The following POC1B variants were observed in gnomAD, a reference collection of about 807,000 sequenced individuals.
The protein encoded by POC1B is POC1 centriolar protein homolog B.
Under a neutral mutation model 60.6 loss-of-function variants are expected in POC1B, and 44 were observed. That is an observed-to-expected ratio of 0.73 (90% confidence interval 0.57 to 0.93). The LOEUF (loss-of-function observed/expected upper bound fraction) is 0.93. Ranked by LOEUF, POC1B falls within the 40% of genes least tolerant of loss-of-function variation. The pLI is 0.00. For missense variants in POC1B, 555 were observed against 572.3 expected (o/e 0.97, Z 0.31); for synonymous variants, 180 against 198.9 (o/e 0.90, Z 0.80).
At position 89,525,950 on chromosome 12, in the gene POC1B, G is replaced by GGGAGA; in HGVS notation, c.-60_-56dup. 1 of 1,540,482 alleles carries GGGAGA rather than the reference G, an allele frequency of 6.5e-7. No individual in the cohort carries two copies. Among genetic ancestry groups the GGGAGA allele is most frequent in the East Asian group, 2.5e-5 (1 of 40,446 alleles). ...GGGTGGGGGAACCCGGAGAGGGGAG[G>GGGAGA]GGAGAGGATGGGGAAGGAGAGGGGA... On this transcript the variant is annotated 5_prime_UTR_variant, in exon 1 of 12. Transcript: ENST00000313546.
At chr12:89,460,156 C>T (rs1394612265) in intron 9 of POC1B, 1 of 214,322 alleles carries the variant, frequency 4.7e-6, no homozygotes, top group Non-Finnish European at 9.6e-6. Context: ...TTAGAATAGT[C>T]AGAGTTTAAG....
chr12:89,434,855 C>T (rs1022361235), intron 10 of POC1B, among the ~76,000 whole-genome samples: 1 of 151,876 alleles, frequency 6.6e-6, no homozygotes, highest in Non-Finnish European at 1.5e-5. Flanking sequence ...TTCAACAAAC[C>T]CCAAAGAAAA....
chr12:89,500,390 G>T, intron 2 of POC1B: 1 of 1,505,968 alleles, frequency 6.6e-7, no homozygotes, highest in Non-Finnish European at 9.2e-7. Flanking sequence ...TCTGCAGTTT[G>T]TTGTAGAACC....
intron 2 of POC1B, among the ~76,000 whole-genome samples, chr12:89,518,686 A>C (rs1870601199): frequency 6.6e-6 from 1 of 152,114 alleles, no homozygotes; most frequent in African/African-American, 2.4e-5. Context: ...TCCCTTTCCC[A>C]GACCCTGGCA....
At chr12:89,443,214 G>C (rs1024948354) in intron 10 of POC1B, among the ~76,000 whole-genome samples, 8 of 152,120 alleles carry the variant, frequency 5.3e-5, no homozygotes, top group Non-Finnish European at 1.2e-4. Context: ...AGTTAACAAG[G>C]ATATCCAGGA....
chr12:89,435,968 C>T (rs1420049098), intron 10 of POC1B, among the ~76,000 whole-genome samples: 1 of 147,956 alleles, frequency 6.8e-6, no homozygotes. Flanking sequence ...TTTTTTGAGA[C>T]AGAATCTCAC....
chr12:89,503,227 G>A (rs1869683129), intron 2 of POC1B, among the ~76,000 whole-genome samples: 1 of 150,400 alleles, frequency 6.6e-6, no homozygotes, highest in East Asian at 2.0e-4. Flanking sequence ...TGATTCTCCT[G>A]CCTCAGCCTG....
intron 3 of POC1B, among the ~76,000 whole-genome samples, chr12:89,493,341 T>G (rs1037897875): frequency 6.6e-6 from 1 of 152,178 alleles, no homozygotes; most frequent in Non-Finnish European, 1.5e-5. Flanking sequence ...TCTATAAGAC[T>G]AGCATCTAGC....
intron 10 of POC1B, among the ~76,000 whole-genome samples, chr12:89,430,006 A>G (rs754415955): frequency 6.6e-6 from 1 of 152,220 alleles, no homozygotes; most frequent in Non-Finnish European, 1.5e-5. Context: ...GGAGCTTACA[A>G]TACTCTGGGG....
intron 10 of POC1B, among the ~76,000 whole-genome samples, chr12:89,456,905 T>G (rs543590432): frequency 1.3e-5 from 2 of 152,234 alleles, no homozygotes; most frequent in African/African-American, 2.4e-5. Context: ...GGCCAACTAT[T>G]TCTTACACCA....
chr12:89,433,967 T>C (rs1209261222), intron 10 of POC1B, among the ~76,000 whole-genome samples: 2 of 152,212 alleles, frequency 1.3e-5, no homozygotes, highest in African/African-American at 4.8e-5. Flanking sequence ...ATTCTTAACA[T>C]TCTTGAAAAC....
chr12:89,411,067 T>G, the POC1B span, among the ~76,000 whole-genome samples: 1 of 152,120 alleles, frequency 6.6e-6, no homozygotes, highest in African/African-American at 2.4e-5. Flanking sequence ...TTACAAGGGA[T>G]GTGAAGGACC....
chr12:89,497,419 T>C (rs1869313116), intron 2 of POC1B, 77 bp from the exon 3 acceptor site: 3 of 1,423,610 alleles, frequency 2.1e-6, no homozygotes, highest in Non-Finnish European at 1.9e-6. Context: ...ATGAGCAGCA[T>C]ATCTAATAAC....
chr12:89,489,412 C>T (rs866007608), intron 4 of POC1B, among the ~76,000 whole-genome samples: 1 of 152,182 alleles, frequency 6.6e-6, no homozygotes, highest in Non-Finnish European at 1.5e-5. Flanking sequence ...TTTAGCCACA[C>T]AGCTATATGG....
chr12:89,459,642 G>A lies in POC1B; in HGVS notation c.1109C>T (p.Thr370Ile), dbSNP rs1882406063. The A allele has an allele frequency of 2.1e-6, 3 of 1,453,906 alleles. No homozygotes were observed. The highest frequency in any genetic ancestry group is 1.5e-5 in the African/African-American group (1 of 67,838). 90.1% of individuals were successfully genotyped at this position (1,453,906 alleles called of 1,614,324 possible). A position where few individuals can be genotyped will look rare whatever the true frequency, so the allele number is the denominator to read the frequency against. The change falls in exon 10 of 12, where the codon ACC (threonine) becomes ATC (isoleucine). Residue 370 changes from threonine to isoleucine, a missense_variant. Thr to Ile is a moderately conservative substitution (Grantham distance 89). Transcript: ENST00000313546. ...PVMDILSFDSTTTTETSGRTL... is the reference protein window; with the variant it reads ...PVMDILSFDSITTTETSGRTL... ...AAAAAAAAAAACCCGACTTACTGTGGTAGAATCAAAAGAAAGGATATCCAT... is the reference window on the plus strand; with the variant it reads ...AAAAAAAAAAACCCGACTTACTGTGATAGAATCAAAAGAAAGGATATCCAT...
intron 9 of POC1B, among the ~76,000 whole-genome samples, chr12:89,465,683 G>A (rs555922782): frequency 6.6e-6 from 1 of 152,102 alleles, no homozygotes; most frequent in African/African-American, 2.4e-5. Context: ...GTAGTACAAA[G>A]AAGTGGTAAC....
intron 10 of POC1B, among the ~76,000 whole-genome samples, chr12:89,456,010 TTGTTG>T (rs2120788422): frequency 6.9e-6 from 1 of 144,932 alleles, no homozygotes; most frequent in African/African-American, 2.7e-5. Context: ...CTCTTTTTTG[TTGTTG>T]TTGTTGTTGT....
chr12:89,424,227 G>GT (rs145906923), intron 11 of POC1B, among the ~76,000 whole-genome samples: 4,649 of 152,236 alleles, frequency 0.031, 290 homozygotes, highest in East Asian at 0.26. Context: ...AACACTGGCT[G>GT]TAAAACAGAA....
intron 4 of POC1B, among the ~76,000 whole-genome samples, 186 bp downstream of exon 4, chr12:89,491,750 C>A (rs1016023147): frequency 6.6e-6 from 1 of 151,904 alleles, no homozygotes; most frequent in African/African-American, 2.4e-5. Context: ...GTCTGTCTCT[C>A]TGGAATGTAA....
Sources: gnomAD v4.1 joint callset for allele counts (sites outside exome capture counted in the v4.1 genomes callset) on GRCh38, gnomAD v4.1.1 for gene constraint, MANE v1.5 for transcripts, NCBI Gene and HGNC (gene_info 2026-07-23, HGNC 2026-07-21) for gene names.